The following DAP variants were observed in gnomAD, a reference collection of about 807,000 sequenced individuals.
The protein encoded by DAP is death-associated protein 1.
In DAP, 8 loss-of-function variants were observed where a neutral mutation model predicts 13.8. That is an observed-to-expected ratio of 0.58 (90% CI 0.34 to 1.05). The LOEUF (loss-of-function observed/expected upper bound fraction) is 1.05. Among genes scored for constraint, DAP ranks in the 50% least tolerant of loss-of-function variants. DAP has a pLI of 0.03. For missense variants in DAP, 106 were observed against 133.2 expected (o/e 0.80, Z 1.01); for synonymous variants, 47 against 47.5 (o/e 0.99, Z 0.04).
chr5:10,684,887 C>T (rs573317286), intron 2 of DAP, among the ~76,000 whole-genome samples: 45 of 152,226 alleles, frequency 3.0e-4, no homozygotes, highest in Admixed American at 1.8e-3. Context: ...GGGACACTCA[C>T]GGAGGTGGGT....
chr5:10,683,728 C>G (rs557104420), intron 2 of DAP, among the ~76,000 whole-genome samples, 157 bp from the exon 3 acceptor site: 1 of 152,330 alleles, frequency 6.6e-6, no homozygotes, highest in African/African-American at 2.4e-5. Flanking sequence ...AATGATCACA[C>G]TACGGGGCTC....
chr5:10,689,157 A>ATT, intron 2 of DAP, among the ~76,000 whole-genome samples: 1 of 152,156 alleles, frequency 6.6e-6, no homozygotes, highest in Non-Finnish European at 1.5e-5. Context: ...TGAGATCATG[A>ATT]CAGCTCTGCT....
At chr5:10,733,952 A>G (rs1739538196) in intron 2 of DAP, 1 of 152,244 alleles carries the variant, frequency 6.6e-6, no homozygotes, top group Non-Finnish European at 1.5e-5. Context: ...AATAAACTCA[A>G]TAAGGGCTCT....
At chr5:10,701,567 AAAAT>A (rs957259842) in intron 2 of DAP, among the ~76,000 whole-genome samples, 6 of 151,580 alleles carry the variant, frequency 4.0e-5, no homozygotes, top group Non-Finnish European at 5.9e-5. Context: ...TCAGTTTCTT[AAAAT>A]AAATAAATAA....
intron 2 of DAP, among the ~76,000 whole-genome samples, chr5:10,745,347 T>C (rs543975429): frequency 3.3e-5 from 5 of 152,232 alleles, no homozygotes; most frequent in Admixed American, 3.3e-4. Flanking sequence ...GGACAAGTGC[T>C]AACACACTCA....
chr5:10,685,546 C>T (rs987514840), intron 2 of DAP, among the ~76,000 whole-genome samples: 1 of 152,186 alleles, frequency 6.6e-6, no homozygotes, highest in African/African-American at 2.4e-5. Context: ...AATGGCAGCA[C>T]AAAGTTTCTT....
intron 2 of DAP, among the ~76,000 whole-genome samples, chr5:10,704,137 C>A (rs1561013645): frequency 6.6e-6 from 1 of 152,126 alleles, no homozygotes; most frequent in East Asian, 1.9e-4. Context: ...GCCCTTGGGG[C>A]TACATAGGTT....
In DAP at chr5:10,700,899, G is replaced by A. The variant is rs74351481; in HGVS notation, c.153-17328C>T. 3.1e-3 allele frequency among the ~76,000 whole-genome samples: 469 copies of A among 152,344 alleles called. 1 individual carries two copies. The highest frequency in any genetic ancestry group is 0.01 in the African/African-American group (427 of 41,572). On this transcript the variant is annotated intron_variant, in intron 2 of 3. Transcript: ENST00000230895. ...CTGTTATCTCAAACCAGAATACATTGGCTGACCAGCACAAGGCAGAATGTG... is the reference window on the plus strand; with the variant it reads ...CTGTTATCTCAAACCAGAATACATTAGCTGACCAGCACAAGGCAGAATGTG...
chr5:10,689,483 C>T (rs913978492), intron 2 of DAP, among the ~76,000 whole-genome samples: 2 of 152,200 alleles, frequency 1.3e-5, no homozygotes, highest in Non-Finnish European at 2.9e-5. Flanking sequence ...TGTGAAACCC[C>T]AAATTCACGG....
chr5:10,749,623 C>A (rs937059557), intron 1 of DAP, among the ~76,000 whole-genome samples: 1 of 151,644 alleles, frequency 6.6e-6, no homozygotes, highest in Non-Finnish European at 1.5e-5. Context: ...CCAGGTTGAA[C>A]AAAATTAAAT....
chr5:10,747,995 A>G (rs1223001286), intron 2 of DAP, 180 bp downstream of exon 2: 10 of 563,000 alleles, frequency 1.8e-5, no homozygotes, highest in Non-Finnish European at 3.2e-5. Flanking sequence ...TAGGGGCTCT[A>G]TTTTCTCCCC....
intron 2 of DAP, among the ~76,000 whole-genome samples, chr5:10,747,920 C>T (rs1382709465): frequency 0.034 from 2 of 58 alleles, no homozygotes; most frequent in African/African-American, 0.062. Flanking sequence ...GACGGGGCAC[C>T]AGCCCCTGGG....
At chr5:10,730,793 T>C (rs1248108815) in intron 2 of DAP, among the ~76,000 whole-genome samples, 13 of 96,588 alleles carry the variant, frequency 1.3e-4, no homozygotes, top group East Asian at 1.1e-3. Context: ...TCCTTCTCTA[T>C]TGAGAGCCCT....
chr5:10,728,250 C>T (rs917950945), intron 2 of DAP, among the ~76,000 whole-genome samples: 15 of 151,862 alleles, frequency 9.9e-5, no homozygotes, highest in African/African-American at 3.4e-4. Flanking sequence ...ATTATTTGTT[C>T]ATCTTCTTTT....
At chr5:10,695,318 G>A (rs577135179) in intron 2 of DAP, among the ~76,000 whole-genome samples, 5 of 152,348 alleles carry the variant, frequency 3.3e-5, no homozygotes, top group Admixed American at 2.6e-4. Flanking sequence ...CAGGCACTGC[G>A]GGCGAGGGCT....
chr5:10,719,393 G>A (rs1322382726), intron 2 of DAP, among the ~76,000 whole-genome samples: 1 of 152,214 alleles, frequency 6.6e-6, no homozygotes, highest in Non-Finnish European at 1.5e-5. Context: ...GTTGTCAGTG[G>A]CAGATAGGGG....
intron 2 of DAP, among the ~76,000 whole-genome samples, chr5:10,733,037 C>T (rs1739504252): frequency 6.6e-6 from 1 of 152,172 alleles, no homozygotes; most frequent in Non-Finnish European, 1.5e-5. Flanking sequence ...TACATAGAAT[C>T]ATGCAGTACT....
At chr5:10,716,464 T>G (rs182958102) in intron 2 of DAP, among the ~76,000 whole-genome samples, 1 of 152,196 alleles carries the variant, frequency 6.6e-6, no homozygotes, top group Non-Finnish European at 1.5e-5. Context: ...TGTGAGGGTG[T>G]TGCCAAAGGA....
intron 2 of DAP, among the ~76,000 whole-genome samples, chr5:10,694,599 G>A (rs2126641239): frequency 6.6e-6 from 1 of 152,330 alleles, no homozygotes; most frequent in Non-Finnish European, 1.5e-5. Flanking sequence ...TGCAGAAGAA[G>A]AGGCCCTTGG....
Sources: allele counts gnomAD v4.1 joint callset (sites outside exome capture counted in the v4.1 genomes callset), GRCh38; gene constraint gnomAD v4.1.1; transcripts MANE v1.5; gene names NCBI Gene and HGNC (gene_info 2026-07-23, HGNC 2026-07-21).